Variants in WLS observed in about 807,000 individuals in gnomAD.
The protein encoded by WLS is protein wntless homolog.
In WLS, 23 loss-of-function variants were observed where a neutral mutation model predicts 62.8. That is an observed-to-expected ratio of 0.37 (90% CI 0.26 to 0.52). The LOEUF (loss-of-function observed/expected upper bound fraction) is 0.52. Among genes scored for constraint, WLS ranks in the 20% least tolerant of loss-of-function variants. The pLI is 0.92. For synonymous variants in WLS, 246 were observed against 244.1 expected (o/e 1.01, Z -0.07); for missense variants, 615 against 697.3 (o/e 0.88, Z 1.33).
chr1:68,197,291 C>T (rs1421108353), intron 1 of WLS, among the ~76,000 whole-genome samples: 7 of 151,732 alleles, frequency 4.6e-5, no homozygotes, highest in Admixed American at 2.0e-4. Flanking sequence ...TTTTCATCCT[C>T]TCATTAGTCT....
At chr1:68,231,779 A>C (rs1300717441) in intron 1 of WLS, 1 of 470,654 alleles carries the variant, frequency 2.1e-6, no homozygotes, top group Non-Finnish European at 4.2e-6. Flanking sequence ...TGTTGTTCCT[A>C]ATAAAGTCGA....
intron 1 of WLS, chr1:68,231,870 G>C (rs183747507): frequency 0.11 from 24,973 of 232,878 alleles, 2,773 homozygotes; most frequent in Admixed American, 0.12. Context: ...GGGGGGGGGG[G>C]GGCGAGCAAT....
At chr1:68,122,483 C>T (rs903333069), downstream of WLS, among the ~76,000 whole-genome samples, 3 of 152,186 alleles carry the variant, frequency 2.0e-5, no homozygotes, top group Non-Finnish European at 4.4e-5. Flanking sequence ...ACTGGGATAA[C>T]CAACATAAAA....
intron 11 of WLS, among the ~76,000 whole-genome samples, chr1:68,131,062 T>TTGTGTGTA (rs1553125872): frequency 6.8e-6 from 1 of 146,068 alleles, no homozygotes; most frequent in Non-Finnish European, 1.5e-5. Flanking sequence ...CCAGCTAATT[T>TTGTGTGTA]TGTGTGTGTG....
rs1019478529 is a variant in WLS, at chr1:68,148,798, C to A, written c.973-138G>T. The A allele has an allele frequency of 8.3e-6, 6 of 725,426 alleles. No individual in the cohort carries two copies. In the African/African-American group the frequency reaches 1.1e-4, roughly 13 times the overall value. 44.9% of individuals were successfully genotyped at this position (725,426 alleles called of 1,614,324 possible). A position where few individuals can be genotyped will look rare whatever the true frequency, so the allele number is the denominator to read the frequency against. ...CTATGCTAGATTCTAGGTATGAGAA[C>A]AAAGAAGATGAAAATCTCTTCTTCA... On this transcript the variant is annotated intron_variant, in intron 6 of 11. Transcript: ENST00000262348.
chr1:68,231,861 G>GC lies in WLS; in HGVS notation c.106+332_106+333insG, dbSNP rs769830960. ...GGGGGGGAACGCGGGAAAAAGCGGG[G>GC]GGGGGGGGGGGCGAGCAATCAACTT... On this transcript the variant is annotated intron_variant, in intron 1 of 11. Coordinates refer to ENST00000262348, the MANE Select transcript of WLS (RefSeq NM_024911.7). The GC allele has an allele frequency of 6.4e-5, 7 of 109,798 alleles. 1 individual carries two copies. The highest frequency in any genetic ancestry group is 2.6e-4 in the South Asian group (5 of 19,574). The allele number at this position is 109,798 out of a possible 1,614,324, so 6.8% of individuals were successfully genotyped here.
At chr1:68,227,538 G>A (rs1650212621) in intron 1 of WLS, among the ~76,000 whole-genome samples, 1 of 151,220 alleles carries the variant, frequency 6.6e-6, no homozygotes, top group African/African-American at 2.4e-5. Flanking sequence ...AAGAGTAATT[G>A]AAAACTCTTT....
intron 1 of WLS, among the ~76,000 whole-genome samples, chr1:68,195,093 C>T (rs990788897): frequency 5.3e-5 from 8 of 152,308 alleles, no homozygotes; most frequent in Non-Finnish European, 1.0e-4. Context: ...AAAAAGTTTA[C>T]ACATGAATTA....
chr1:68,190,777 G>A (rs1648246516), intron 2 of WLS, among the ~76,000 whole-genome samples: 1 of 152,152 alleles, frequency 6.6e-6, no homozygotes, highest in Admixed American at 6.5e-5. Flanking sequence ...TTTATAGGTG[G>A]CCAGGCACGG....
chr1:68,173,919 C>T (rs567988231), intron 2 of WLS, among the ~76,000 whole-genome samples: 4 of 152,122 alleles, frequency 2.6e-5, no homozygotes, highest in Admixed American at 2.6e-4. Context: ...CTAAATTATA[C>T]TCTGCCTAGC....
Position 68,126,155 on chromosome 1 carries a change from T to G in WLS, c.*71A>C, listed in dbSNP as rs1646426753. On this transcript the variant is annotated 3_prime_UTR_variant, in exon 12 of 12. Transcript: ENST00000262348. ...ATTCATTTGTACATTGAGCTCTCTC[T>G]GGCATGCTCCCCACTCTAGTTAGAG... The G allele has an allele frequency of 6.3e-7, 1 of 1,586,608 alleles. No individual in the cohort carries two copies. The highest frequency in any genetic ancestry group is 1.3e-5 in the African/African-American group (1 of 74,380).
intron 11 of WLS, among the ~76,000 whole-genome samples, chr1:68,131,295 T>A (rs1434861441): frequency 6.6e-6 from 1 of 151,978 alleles, no homozygotes; most frequent in Non-Finnish European, 1.5e-5. Context: ...AAGATTTGCC[T>A]GGTGCAGGCA....
intron 11 of WLS, among the ~76,000 whole-genome samples, chr1:68,135,461 A>G (rs558249791): frequency 6.6e-6 from 1 of 152,106 alleles, no homozygotes; most frequent in Non-Finnish European, 1.5e-5. Flanking sequence ...AACCACAGAA[A>G]TTCGTAGTTC....
chr1:68,183,313 T>C (rs1478032882), intron 2 of WLS, among the ~76,000 whole-genome samples: 1 of 152,184 alleles, frequency 6.6e-6, no homozygotes, highest in Non-Finnish European at 1.5e-5. Flanking sequence ...AGTAGAGTTA[T>C]ACATTTCTTC....
chr1:68,108,688 ATTAATT>A (rs972185893), intron 11 of WLS, among the ~76,000 whole-genome samples: 5 of 152,194 alleles, frequency 3.3e-5, no homozygotes, highest in African/African-American at 9.7e-5. Context: ...CTTAGTTTTA[ATTAATT>A]TTAATTTAAT....
chr1:68,205,822 A>G (rs907936151), intron 1 of WLS, among the ~76,000 whole-genome samples: 3 of 152,216 alleles, frequency 2.0e-5, no homozygotes, highest in Non-Finnish European at 2.9e-5. Context: ...GGGCAAAGGA[A>G]CCTTCTGCTG....
intron 1 of WLS, among the ~76,000 whole-genome samples, chr1:68,199,751 A>C (rs1305120576): frequency 1.3e-5 from 2 of 152,100 alleles, no homozygotes; most frequent in Non-Finnish European, 2.9e-5. Flanking sequence ...ATAACAAAGA[A>C]CTTTTATTTG....
intron 6 of WLS, among the ~76,000 whole-genome samples, chr1:68,148,969 C>T (rs958447129): frequency 4.6e-5 from 7 of 152,016 alleles, no homozygotes; most frequent in African/African-American, 1.5e-4. Context: ...TTGTGGTCCA[C>T]AAAATAACTC....
chr1:68,144,533 AG>A, intron 10 of WLS, 35 bp downstream of exon 10: 1 of 1,592,564 alleles, frequency 6.3e-7, no homozygotes, highest in South Asian at 1.1e-5. Flanking sequence ...ATCTCTGCAG[AG>A]ACATTCTCAC....
Sources: allele counts gnomAD v4.1 joint callset (sites outside exome capture counted in the v4.1 genomes callset), GRCh38; gene constraint gnomAD v4.1.1; transcripts MANE v1.5; gene names NCBI Gene and HGNC (gene_info 2026-07-23, HGNC 2026-07-21).